LAMA2: variants seen among roughly 807,000 people sequenced by gnomAD.
The protein encoded by LAMA2 is laminin subunit alpha 2, also known as laminin subunit alpha-2.
Under a neutral mutation model 364.8 loss-of-function variants are expected in LAMA2, and 269 were observed. The observed-to-expected ratio is 0.74, with a 90% CI of 0.67 to 0.82. The LOEUF is 0.82. LAMA2 is among the 40% of genes least tolerant of loss of function. The probability of loss-of-function intolerance (pLI) is 0.00; values close to 1 mark genes in which losing one functional copy is unlikely to be tolerated. For missense variants in LAMA2, 3,807 were observed against 3,873.2 expected (o/e 0.98, Z 0.45); for synonymous variants, 1,379 against 1,370.6 (o/e 1.01, Z -0.14).
At chr6:128,924,210 A>G (rs908790498) in intron 1 of LAMA2, among the ~76,000 whole-genome samples, 2 of 152,142 alleles carry the variant, frequency 1.3e-5, no homozygotes, top group African/African-American at 2.4e-5. Context: ...TCATATATAT[A>G]TACACACACA....
intron 1 of LAMA2, among the ~76,000 whole-genome samples, chr6:128,956,400 C>G (rs76977344): frequency 0.027 from 4,072 of 151,938 alleles, 154 homozygotes; most frequent in African/African-American, 0.084. Flanking sequence ...GATAATGCAG[C>G]CTTCATAGTT....
At chr6:129,005,458 CCTG>C (rs1334024479) in intron 1 of LAMA2, among the ~76,000 whole-genome samples, 1 of 151,712 alleles carries the variant, frequency 6.6e-6, no homozygotes, top group Non-Finnish European at 1.5e-5. Context: ...TCAAAGAAAA[CCTG>C]CTTTTTAAAA....
chr6:129,239,593 C>T (rs1478280197), intron 12 of LAMA2, among the ~76,000 whole-genome samples: 1 of 152,162 alleles, frequency 6.6e-6, no homozygotes, highest in African/African-American at 2.4e-5. Flanking sequence ...TTTTCTATCA[C>T]CCCAGACAGG....
At chr6:129,322,781 C>G (rs1333469014) in intron 28 of LAMA2, among the ~76,000 whole-genome samples, 1 of 152,118 alleles carries the variant, frequency 6.6e-6, no homozygotes, top group African/African-American at 2.4e-5. Context: ...AACCAACCTT[C>G]CATTCTGGAT....
intron 1 of LAMA2, 115 bp from the exon 2 acceptor site, chr6:129,049,803 C>T (rs759868204): frequency 1.2e-6 from 1 of 821,482 alleles, no homozygotes; most frequent in Non-Finnish European, 2.1e-6. Context: ...TTAATTATCT[C>T]ATGTTGGGTT....
At position 129,388,692 on chromosome 6, in the gene LAMA2, C is replaced by T. The variant is rs190561598; in HGVS notation, c.5072-2799C>T. 2.3e-4 allele frequency among the ~76,000 whole-genome samples: 35 copies of T among 152,230 alleles called. 1 individual carries two copies. The highest frequency in any genetic ancestry group is 7.9e-4 in the African/African-American group (33 of 41,522). On this transcript the variant is annotated intron_variant, in intron 35 of 64. Transcript: ENST00000421865. Reference sequence around the variant, plus strand: ...ATTTATACACGCACACACACACACGCGCGCACACACACATATTCATTTAAC... The same window carrying T: ...ATTTATACACGCACACACACACACGTGCGCACACACACATATTCATTTAAC...
intron 4 of LAMA2, among the ~76,000 whole-genome samples, chr6:129,133,537 CAG>C (rs898646891): frequency 6.6e-6 from 1 of 152,108 alleles, no homozygotes; most frequent in African/African-American, 2.4e-5. Context: ...AGGCAAGTGT[CAG>C]AGTGTGGGAG....
At chr6:129,095,536 A>C (rs1775119409) in intron 3 of LAMA2, among the ~76,000 whole-genome samples, 1 of 152,124 alleles carries the variant, frequency 6.6e-6, no homozygotes, top group African/African-American at 2.4e-5. Flanking sequence ...GCCTCAAAAA[A>C]TGTGTTTATG....
intron 35 of LAMA2, among the ~76,000 whole-genome samples, chr6:129,389,777 C>T (rs1779217966): frequency 6.6e-6 from 1 of 152,080 alleles, no homozygotes. Flanking sequence ...TTCGAACAAC[C>T]TGATCTTGTG....
intron 4 of LAMA2, among the ~76,000 whole-genome samples, chr6:129,131,099 A>G (rs918490183): frequency 1.3e-5 from 2 of 152,232 alleles, no homozygotes; most frequent in African/African-American, 4.8e-5. Context: ...CATATTACAA[A>G]TAATTGAAAA....
intron 1 of LAMA2, among the ~76,000 whole-genome samples, chr6:129,008,104 G>T (rs1381271946): frequency 6.6e-6 from 1 of 152,154 alleles, no homozygotes; most frequent in East Asian, 1.9e-4. Flanking sequence ...TTGAAATCAT[G>T]GAGGACAATG....
chr6:129,295,615 C>T (rs189949257), intron 20 of LAMA2, among the ~76,000 whole-genome samples: 1 of 152,014 alleles, frequency 6.6e-6, no homozygotes, highest in African/African-American at 2.4e-5. Flanking sequence ...GAGGTAGAAC[C>T]GTTTCTTCTT....
intron 12 of LAMA2, among the ~76,000 whole-genome samples, chr6:129,229,271 A>G (rs550529609): frequency 2.6e-4 from 40 of 152,294 alleles, no homozygotes; most frequent in African/African-American, 9.1e-4. Context: ...TTAATTTTAT[A>G]TAGAATATTA....
intron 1 of LAMA2, among the ~76,000 whole-genome samples, chr6:128,997,345 AGAAAGAAAGAAC>A (rs1348294705): frequency 3.7e-5 from 4 of 107,278 alleles, no homozygotes; most frequent in African/African-American, 7.1e-5. Flanking sequence ...AGAGAAAGAA[AGAAAGAAAGAAC>A]GAAAGAAAGA....
intron 14 of LAMA2, among the ~76,000 whole-genome samples, chr6:129,259,575 A>G (rs1236595622): frequency 2.0e-5 from 3 of 152,118 alleles, no homozygotes; most frequent in Non-Finnish European, 4.4e-5. Flanking sequence ...GGAGATACAA[A>G]TAGTGAAAAG....
intron 1 of LAMA2, among the ~76,000 whole-genome samples, chr6:128,986,329 T>C (rs1783234108): frequency 6.6e-6 from 1 of 152,150 alleles, no homozygotes; most frequent in African/African-American, 2.4e-5. Flanking sequence ...GGAGCCCTGG[T>C]TCCTTATAGT....
At chr6:128,960,001 T>C (rs1269569899) in intron 1 of LAMA2, among the ~76,000 whole-genome samples, 1 of 152,062 alleles carries the variant, frequency 6.6e-6, no homozygotes, top group Non-Finnish European at 1.5e-5. Context: ...AATTAGAAAG[T>C]ATTTCTTATG....
At chr6:129,213,933 A>G (rs1391323566) in intron 12 of LAMA2, among the ~76,000 whole-genome samples, 1 of 152,104 alleles carries the variant, frequency 6.6e-6, no homozygotes, top group African/African-American at 2.4e-5. Context: ...CTGCAAACTC[A>G]GGGTTATTTA....
chr6:128,986,846 A>G (rs1783271177), intron 1 of LAMA2, among the ~76,000 whole-genome samples: 1 of 152,096 alleles, frequency 6.6e-6, no homozygotes, highest in South Asian at 2.1e-4. Context: ...TAATGATGTA[A>G]AAACTTTTAC....
Sources: gnomAD v4.1 joint callset for allele counts (sites outside exome capture counted in the v4.1 genomes callset) on GRCh38, gnomAD v4.1.1 for gene constraint, MANE v1.5 for transcripts, NCBI Gene and HGNC (gene_info 2026-07-23, HGNC 2026-07-21) for gene names.